Variants in LHX5 observed in about 807,000 individuals in gnomAD.
The protein encoded by LHX5 is LIM homeobox 5.
In LHX5, 5 loss-of-function variants were observed where a neutral mutation model predicts 30.6. That is an observed-to-expected ratio of 0.16 (90% CI 0.09 to 0.34). The LOEUF is 0.34. LHX5 is among the 10% of genes least tolerant of loss of function. LHX5 has a pLI of 1.00. For missense variants in LHX5, 458 were observed against 570.6 expected (o/e 0.80, Z 2.01); for synonymous variants, 266 against 252.6 (o/e 1.05, Z -0.50).
chr12:113,463,106 C>T lies in LHX5; in HGVS notation c.*84G>A. ...CGAGGGACACCCACGTCTCCCACCGCGTCTGCGTCGGGCGTTTTGGTTTCA... is the reference window on the plus strand; with the variant it reads ...CGAGGGACACCCACGTCTCCCACCGTGTCTGCGTCGGGCGTTTTGGTTTCA... On this transcript the variant is annotated 3_prime_UTR_variant, in exon 5 of 5. Transcript: ENST00000261731. The surrounding 1 kb of genome is among the most constrained non-coding windows in gnomAD (Gnocchi z 6.7). 1.7e-6 allele frequency: 2 copies of T among 1,172,454 alleles called. No homozygotes were observed. Among genetic ancestry groups the T allele is most frequent in the Non-Finnish European group, 2.3e-6 (2 of 871,744 alleles). The allele number at this position is 1,172,454 out of a possible 1,614,324, so 72.6% of individuals were successfully genotyped here.
Position 113,465,761 on chromosome 12 carries a change from A to C in LHX5, c.841+1495T>G, listed in dbSNP as rs930389893. 6.6e-6 allele frequency among the ~76,000 whole-genome samples: 1 copy of C among 152,252 alleles called. No individual in the cohort carries two copies. The highest frequency in any genetic ancestry group is 1.5e-5 in the Non-Finnish European group (1 of 67,998). ...CACTACCTCGCTGCTCCGGGCCCAG[A>C]TTTTGTAGGGAAAGAGGCAAATTTA... On this transcript the variant is annotated intron_variant, in intron 4 of 4. Coordinates refer to ENST00000261731, the MANE Select transcript of LHX5 (RefSeq NM_022363.3). This position sits in a 1 kb window ranked among gnomAD's most constrained non-coding sequence, Gnocchi z 6.7.
chr12:113,466,673 G>A lies in LHX5; in HGVS notation c.841+583C>T, dbSNP rs1040503141. On this transcript the variant is annotated intron_variant, in intron 4 of 4. Coordinates refer to ENST00000261731, the MANE Select transcript of LHX5 (RefSeq NM_022363.3). The surrounding 1 kb of genome is among the most constrained non-coding windows in gnomAD (Gnocchi z 6.5). ...ACACACCCCGCCACATGGAACAGGA[G>A]TTGCTGCCTTCGATGCTAGTGAGCA... Among the ~76,000 whole-genome samples, 1 of 152,196 alleles carries A rather than the reference G, an allele frequency of 6.6e-6. No individual in the cohort carries two copies. The highest frequency in any genetic ancestry group is 1.5e-5 in the Non-Finnish European group (1 of 68,044).
In LHX5 at chr12:113,462,038, G is replaced by GA. The variant is rs1380212054; in HGVS notation, c.*1151dup. ...AAAAGAAAACCACACAGCGCTGAGG[G>GA]AAAAAAGATTTTTTTTTATTAATCT... On this transcript the variant is annotated 3_prime_UTR_variant, in exon 5 of 5. Coordinates refer to ENST00000261731, the MANE Select transcript of LHX5 (RefSeq NM_022363.3). 6.6e-6 allele frequency: 1 copy of GA among 151,954 alleles called. No individual in the cohort carries two copies. Among genetic ancestry groups the GA allele is most frequent in the Non-Finnish European group, 1.5e-5 (1 of 67,984 alleles). The allele number at this position is 151,954 out of a possible 1,614,324, so 9.4% of individuals were successfully genotyped here. A position where few individuals can be genotyped will look rare whatever the true frequency, so the allele number is the denominator to read the frequency against.
chr12:113,465,214 C>T lies in LHX5; in HGVS notation c.842-1657G>A, dbSNP rs575318132. On this transcript the variant is annotated intron_variant, in intron 4 of 4. Coordinates refer to ENST00000261731, the MANE Select transcript of LHX5 (RefSeq NM_022363.3). The surrounding 1 kb of genome is among the most constrained non-coding windows in gnomAD (Gnocchi z 6.7). ...ACGGTTGCCAATTACTTTTTAAAAC[C>T]ATTAATTTAATTCTCCCCGAAAGTG... Among the ~76,000 whole-genome samples, 1 of 152,308 alleles carries T rather than the reference C, an allele frequency of 6.6e-6. No homozygotes were observed. The highest frequency in any genetic ancestry group is 2.4e-5 in the African/African-American group (1 of 41,558).
In LHX5 at chr12:113,471,465, T is replaced by C; in HGVS notation, c.34A>G (p.Ile12Val). 6.2e-7 allele frequency: 1 copy of C among 1,610,342 alleles called. No homozygotes were observed. The highest frequency in any genetic ancestry group is 8.5e-7 in the Non-Finnish European group (1 of 1,178,460). Reference protein sequence around the residue: ...MVHCAGCERPILDRFLLNVLD... With the variant: ...MVHCAGCERPVLDRFLLNVLD... The stretch of plus-strand genomic sequence containing the variant: ...ACGTTCAGCAGAAAGCGGTCGAGGA[T>C]GGGCCGCTCGCAACCGGCGCAGTGC... Residue 12 changes from isoleucine to valine, a missense_variant, in exon 1 of 5, where the codon ATC (isoleucine) becomes GTC (valine). Ile to Val is a conservative substitution (Grantham distance 29, BLOSUM62 3). This residue lies in a region of LHX5 where 178 missense variants were observed against 238.5 expected (regional missense o/e 0.75). Transcript: ENST00000261731.
rs1386321136 is a variant in LHX5, at chr12:113,462,698, A to G, written c.*492T>C. The G allele has an allele frequency of 1.4e-5, 2 of 147,004 alleles. No individual in the cohort carries two copies. The highest frequency in any genetic ancestry group is 2.0e-4 in the East Asian group (1 of 5,030). 9.1% of individuals were successfully genotyped at this position (147,004 alleles called of 1,614,324 possible). On this transcript the variant is annotated 3_prime_UTR_variant, in exon 5 of 5. Transcript: ENST00000261731. Reference sequence around the variant, plus strand: ...CCCCCTTTCCTCTCCCTCTCTTTCAATCTCTCTCCTTTTCTTATCATCTTT... The same window carrying G: ...CCCCCTTTCCTCTCCCTCTCTTTCAGTCTCTCTCCTTTTCTTATCATCTTT...
Position 113,463,609 on chromosome 12 carries a change from A to G in LHX5, c.842-52T>C. 1 of 1,465,006 alleles carries G rather than the reference A, an allele frequency of 6.8e-7. No homozygotes were observed. Among genetic ancestry groups the G allele is most frequent in the South Asian group, 1.4e-5 (1 of 72,928 alleles). The allele number at this position is 1,465,006 out of a possible 1,614,324, so 90.8% of individuals were successfully genotyped here. Reference sequence around the variant, plus strand: ...AGGGCGCGGTGAGAGAAGGCGAAGTAGGCGGGGGACCCGGGACCCGGGGAG... The same window carrying G: ...AGGGCGCGGTGAGAGAAGGCGAAGTGGGCGGGGGACCCGGGACCCGGGGAG... On this transcript the variant is annotated intron_variant, in intron 4 of 4. Coordinates refer to ENST00000261731, the MANE Select transcript of LHX5 (RefSeq NM_022363.3). The surrounding 1 kb of genome is among the most constrained non-coding windows in gnomAD (Gnocchi z 6.7).
Position 113,463,439 on chromosome 12 carries a change from C to G in LHX5, c.960G>C (p.Ser320=). The G allele has an allele frequency of 2.6e-6, 4 of 1,554,128 alleles. No individual in the cohort carries two copies. The highest frequency in any genetic ancestry group is 3.5e-6 in the Non-Finnish European group (4 of 1,153,154). The change falls in exon 5 of 5, where the codon TCG becomes TCC. Residue 320 remains serine (S), a synonymous_variant. Transcript: ENST00000261731. This position sits in a 1 kb window ranked among gnomAD's most constrained non-coding sequence, Gnocchi z 6.7. The part of the protein sequence containing the change: ...SSFLAASGPG[S]TPLGALEPPL... ...GCGGTTCCAGCGCTCCCAGCGGCGT[C>G]GAGCCGGGGCCAGAGGCCGCCAGGA...
Position 113,471,614 on chromosome 12 carries a change from C to G in LHX5, c.-116G>C. On this transcript the variant is annotated 5_prime_UTR_variant, in exon 1 of 5. Transcript: ENST00000261731. ...TTGTCTCAGCAGCTGCAGGGCGAGT[C>G]TGGTCCGGACCAAGACTCAGCCGGT... is the stretch of plus-strand genomic sequence containing the variant. 9.8e-7 allele frequency: 1 copy of G among 1,017,260 alleles called. No individual in the cohort carries two copies. Among genetic ancestry groups the G allele is most frequent in the Non-Finnish European group, 1.4e-6 (1 of 709,128 alleles). 63.0% of individuals were successfully genotyped at this position (1,017,260 alleles called of 1,614,324 possible).
At chr12:113,469,391 G>A in intron 1 of LHX5, 46 bp from the exon 2 acceptor site, 1 of 1,537,818 alleles carries the variant, frequency 6.5e-7, no homozygotes, top group Non-Finnish European at 8.8e-7. Context: ...ACTGCATCCA[G>A]CCCTCCCCAG....
chr12:113,470,682 G>GCCACAGGGC (rs1453930300), intron 1 of LHX5, among the ~76,000 whole-genome samples: 1 of 152,240 alleles, frequency 6.6e-6, no homozygotes, highest in Non-Finnish European at 1.5e-5. Flanking sequence ...GCCCTGGCCA[G>GCCACAGGGC]CCACAGGGCC....
In LHX5 at chr12:113,463,153, CCCCCGGGGG is replaced by C; in HGVS notation, c.*28_*36del. 6.9e-7 allele frequency: 1 copy of C among 1,450,810 alleles called. No homozygotes were observed. The highest frequency in any genetic ancestry group is 1.5e-5 in the African/African-American group (1 of 66,842). 89.9% of individuals were successfully genotyped at this position (1,450,810 alleles called of 1,614,324 possible). Reference sequence around the variant, plus strand: ...TTCAGGAGGCTGCTTCGGGGCGGGGCCCCCGGGGGCCGAGCGCGGGGGGCGGCCCGGCGG... The same window carrying C: ...TTCAGGAGGCTGCTTCGGGGCGGGGCCCGAGCGCGGGGGGCGGCCCGGCGG... On this transcript the variant is annotated 3_prime_UTR_variant, in exon 5 of 5. Transcript: ENST00000261731. This position sits in a 1 kb window ranked among gnomAD's most constrained non-coding sequence, Gnocchi z 6.7.
intron 1 of LHX5, 63 bp from the exon 2 acceptor site, chr12:113,469,408 A>C: frequency 6.9e-7 from 1 of 1,456,720 alleles, no homozygotes; most frequent in Non-Finnish European, 9.3e-7. Context: ...CCAGCCCCTG[A>C]CCTCTTCCCA....
At position 113,462,586 on chromosome 12, in the gene LHX5, G is replaced by C. The variant is rs977419146; in HGVS notation, c.*604C>G. ...GTGCAGGTGGCTCGGTCTCCCTCTC[G>C]GTGGCTCCCGGTTCACGCGAGTTCC... On this transcript the variant is annotated 3_prime_UTR_variant, in exon 5 of 5. Coordinates refer to ENST00000261731, the MANE Select transcript of LHX5 (RefSeq NM_022363.3). 9.2e-5 allele frequency: 14 copies of C among 152,064 alleles called. No individual in the cohort carries two copies. The highest frequency in any genetic ancestry group is 3.4e-4 in the African/African-American group (14 of 41,396). The allele number at this position is 152,064 out of a possible 1,614,324, so 9.4% of individuals were successfully genotyped here. A position where few individuals can be genotyped will look rare whatever the true frequency, so the allele number is the denominator to read the frequency against.
rs372562333 is a variant in LHX5, at chr12:113,469,099, A to G, written c.397+23T>C. On this transcript the variant is annotated intron_variant, in intron 2 of 4. Coordinates refer to ENST00000261731, the MANE Select transcript of LHX5 (RefSeq NM_022363.3). ...TGGGAGGGTGCTAAGGCCTAAGGCT[A>G]GTGAGGGGCCCAGGCTTCCTACCTG... is the stretch of plus-strand genomic sequence containing the variant. The G allele has an allele frequency of 3.2e-6, 5 of 1,574,976 alleles. No homozygotes were observed. In the African/African-American group the frequency reaches 6.7e-5, roughly 21 times the overall value.
chr12:113,468,458 C>G (rs929721457), intron 2 of LHX5, 54 bp from the exon 3 acceptor site: 28 of 1,541,790 alleles, frequency 1.8e-5, no homozygotes, highest in African/African-American at 2.7e-5. Context: ...GGCCAGACGC[C>G]TCTTCAGTCC....
At chr12:113,468,639 C>T (rs185719434) in intron 2 of LHX5, among the ~76,000 whole-genome samples, 2 of 152,342 alleles carry the variant, frequency 1.3e-5, no homozygotes, top group African/African-American at 4.8e-5. Flanking sequence ...CTCCGCGCGT[C>T]TCAGCTAGTA....
chr12:113,469,115 T>C lies in LHX5; in HGVS notation c.397+7A>G. On this transcript the variant is annotated splice_region_variant and intron_variant, in intron 2 of 4. Coordinates refer to ENST00000261731, the MANE Select transcript of LHX5 (RefSeq NM_022363.3). The stretch of plus-strand genomic sequence containing the variant: ...CCTAAGGCTAGTGAGGGGCCCAGGC[T>C]TCCTACCTGAGTTGAGGCTGCCCTC... 1 of 1,607,790 alleles carries C rather than the reference T, an allele frequency of 6.2e-7. No homozygotes were observed. Among genetic ancestry groups the C allele is most frequent in the Non-Finnish European group, 8.5e-7 (1 of 1,176,318 alleles).
intron 1 of LHX5, among the ~76,000 whole-genome samples, 158 bp from the exon 2 acceptor site, chr12:113,469,503 G>C (rs576617626): frequency 6.6e-6 from 1 of 152,374 alleles, no homozygotes; most frequent in African/African-American, 2.4e-5. Context: ...AGTGGGAGAA[G>C]TGGGACAAAT....
Sources: gnomAD v4.1 joint callset for allele counts (sites outside exome capture counted in the v4.1 genomes callset) on GRCh38, gnomAD v4.1.1 for gene constraint, gnomAD v4.1.1 regional missense constraint, Gnocchi (gnomAD v3.1) non-coding constraint, MANE v1.5 for transcripts, NCBI Gene and HGNC (gene_info 2026-07-23, HGNC 2026-07-21) for gene names.